DTX4: variants seen among roughly 807,000 people sequenced by gnomAD.
DTX4 encodes the protein E3 ubiquitin-protein ligase DTX4.
In DTX4, 28 loss-of-function variants were observed where a neutral mutation model predicts 57.6. The observed-to-expected ratio is 0.49, with a 90% confidence interval of 0.36 to 0.67. The LOEUF (loss-of-function observed/expected upper bound fraction) is 0.67. Among genes scored for constraint, DTX4 ranks in the 30% least tolerant of loss-of-function variants. DTX4 has a pLI of 0.00. For synonymous variants in DTX4, 316 were observed against 331.0 expected (o/e 0.95, Z 0.49); for missense variants, 715 against 836.8 (o/e 0.85, Z 1.80).
chr11:59,174,400 T>G, intron 1 of DTX4, among the ~76,000 whole-genome samples: 1 of 137,390 alleles, frequency 7.3e-6, no homozygotes, highest in Non-Finnish European at 1.6e-5. Context: ...AAGGTGAGGG[T>G]GGAGGGGGTG....
intron 1 of DTX4, among the ~76,000 whole-genome samples, chr11:59,179,890 C>T (rs1239043419): frequency 6.6e-6 from 1 of 151,886 alleles, no homozygotes; most frequent in Non-Finnish European, 1.5e-5. Flanking sequence ...CTTTCTTACA[C>T]CCCCTACCAC....
intron 8 of DTX4, among the ~76,000 whole-genome samples, chr11:59,203,557 A>G (rs1030662229): frequency 1.4e-5 from 2 of 140,834 alleles, no homozygotes; most frequent in Non-Finnish European, 3.2e-5. Context: ...ATCTCTTATG[A>G]TAACAATGCC....
chr11:59,205,108 C>G lies in DTX4; in HGVS notation c.*199C>G. On this transcript the variant is annotated 3_prime_UTR_variant, in exon 9 of 9. Coordinates refer to ENST00000227451, the MANE Select transcript of DTX4 (RefSeq NM_015177.2). ...AGCGACATCATTCATAAATCTCATC[C>G]AACACAAAGGGAGATGGGATGAGGG... 1 of 572,048 alleles carries G rather than the reference C, an allele frequency of 1.7e-6. No individual in the cohort carries two copies. The highest frequency in any genetic ancestry group is 3.1e-6 in the Non-Finnish European group (1 of 321,154). 35.4% of individuals were successfully genotyped at this position (572,048 alleles called of 1,614,324 possible). A position where few individuals can be genotyped will look rare whatever the true frequency, so the allele number is the denominator to read the frequency against.
chr11:59,207,983 C>G lies in DTX4; in HGVS notation c.*3074C>G, dbSNP rs1024147018. The G allele has an allele frequency of 2.0e-5, 3 of 152,590 alleles. No individual in the cohort carries two copies. The highest frequency in any genetic ancestry group is 4.4e-5 in the Non-Finnish European group (3 of 68,106). 9.5% of individuals were successfully genotyped at this position (152,590 alleles called of 1,614,324 possible). On this transcript the variant is annotated 3_prime_UTR_variant, in exon 9 of 9. Coordinates refer to ENST00000227451, the MANE Select transcript of DTX4 (RefSeq NM_015177.2). ...TGGTACAAGAAAGGACCCCTGACCCCTTTCCTTCTCTGTGGTCCCCGGCAT... is the reference window on the plus strand; with the variant it reads ...TGGTACAAGAAAGGACCCCTGACCCGTTTCCTTCTCTGTGGTCCCCGGCAT...
At chr11:59,180,982 T>G (rs186963719) in intron 1 of DTX4, among the ~76,000 whole-genome samples, 116 of 152,346 alleles carry the variant, frequency 7.6e-4, no homozygotes, top group African/African-American at 2.6e-3. Flanking sequence ...TTGGGAAATA[T>G]GAGAGAGTTC....
intron 7 of DTX4, among the ~76,000 whole-genome samples, chr11:59,195,831 A>T (rs1312984734): frequency 4.6e-5 from 7 of 152,248 alleles, no homozygotes; most frequent in Non-Finnish European, 7.3e-5. Flanking sequence ...ATAATGCTGG[A>T]ATGAATAACC....
rs1185242082 is a variant in DTX4, at chr11:59,188,777, T to C, written c.978T>C (p.Pro326=). The C allele has an allele frequency of 6.2e-7, 1 of 1,613,862 alleles. No individual in the cohort carries two copies. Among genetic ancestry groups the C allele is most frequent in the Non-Finnish European group, 8.5e-7 (1 of 1,179,868 alleles). ...VPVKNLNGSS[P]VNPALAGITG... Reference sequence around the variant, plus strand: ...TGAAGAACCTAAATGGGTCCAGTCCTGTCAACCCTGCCTTGGCAGGTAAGA... The same window carrying C: ...TGAAGAACCTAAATGGGTCCAGTCCCGTCAACCCTGCCTTGGCAGGTAAGA... The change falls in exon 3 of 9, where the codon CCT becomes CCC. Residue 326 remains proline (P), a synonymous_variant. Transcript: ENST00000227451.
intron 6 of DTX4, among the ~76,000 whole-genome samples, chr11:59,194,047 C>T (rs1022164267): frequency 6.6e-6 from 1 of 152,166 alleles, no homozygotes; most frequent in Non-Finnish European, 1.5e-5. Context: ...GGCAGCACCT[C>T]ACCAGGTCCT....
chr11:59,188,424 C>T (rs1375321319), intron 2 of DTX4, among the ~76,000 whole-genome samples: 1 of 152,180 alleles, frequency 6.6e-6, no homozygotes, highest in Non-Finnish European at 1.5e-5. Context: ...GGCAGGAGTG[C>T]ACCTGGCTCC....
At chr11:59,192,351 A>G in intron 6 of DTX4, 101 bp downstream of exon 6, 1 of 1,413,318 alleles carries the variant, frequency 7.1e-7, no homozygotes. Flanking sequence ...TGATCTGGGA[A>G]GTCTTAGAGG....
chr11:59,174,421 G>A (rs954165648), intron 1 of DTX4, among the ~76,000 whole-genome samples: 1 of 150,730 alleles, frequency 6.6e-6, no homozygotes, highest in African/African-American at 2.5e-5. Flanking sequence ...TGTGTTGGGC[G>A]GAGCTGAGCC....
intron 7 of DTX4, among the ~76,000 whole-genome samples, chr11:59,195,578 AC>A (rs1590987907): frequency 6.6e-6 from 1 of 151,870 alleles, no homozygotes; most frequent in East Asian, 1.9e-4. Flanking sequence ...TGCACACACA[AC>A]AGAAAATCGC....
At chr11:59,198,255 C>T (rs190079754) in intron 7 of DTX4, among the ~76,000 whole-genome samples, 99 of 152,260 alleles carry the variant, frequency 6.5e-4, no homozygotes, top group African/African-American at 2.2e-3. Context: ...GCCAGGCAGG[C>T]GTCTGAGTTG....
chr11:59,191,802 T>G (rs1862602314), intron 5 of DTX4, among the ~76,000 whole-genome samples: 1 of 152,244 alleles, frequency 6.6e-6, no homozygotes, highest in South Asian at 2.1e-4. Flanking sequence ...GTTGACAGTA[T>G]TTGTTTCCTC....
chr11:59,182,055 C>G lies in DTX4; in HGVS notation c.528C>G (p.Val176=). Residue 176 remains valine, a synonymous_variant, in exon 2 of 9, where the codon GTC becomes GTG. Transcript: ENST00000227451. ...GTLPKAQSWP[V]SPGPATSPPM... ...TGCCTAAGGCTCAGTCCTGGCCAGT[C>G]AGCCCTGGGCCAGCCACCTCGCCCC... The G allele has an allele frequency of 6.2e-7, 1 of 1,612,332 alleles. No homozygotes were observed. Among genetic ancestry groups the G allele is most frequent in the Non-Finnish European group, 8.5e-7 (1 of 1,178,800 alleles).
intron 8 of DTX4, among the ~76,000 whole-genome samples, chr11:59,201,644 A>G (rs1239975365): frequency 1.3e-5 from 2 of 152,204 alleles, no homozygotes; most frequent in Non-Finnish European, 2.9e-5. Context: ...GGTATTTTGG[A>G]AGAAATAGAA....
chr11:59,180,307 C>G (rs931879761), intron 1 of DTX4, among the ~76,000 whole-genome samples: 2 of 152,046 alleles, frequency 1.3e-5, no homozygotes, highest in African/African-American at 2.4e-5. Flanking sequence ...CATCCTGATA[C>G]CCCCATGTTC....
intron 2 of DTX4, among the ~76,000 whole-genome samples, chr11:59,185,479 G>C (rs1420767218): frequency 6.6e-6 from 1 of 152,162 alleles, no homozygotes; most frequent in Non-Finnish European, 1.5e-5. Context: ...GATTGGCCAA[G>C]CAGTGGTTAG....
chr11:59,196,604 T>G (rs1862674448), intron 7 of DTX4, among the ~76,000 whole-genome samples: 1 of 152,162 alleles, frequency 6.6e-6, no homozygotes, highest in African/African-American at 2.4e-5. Context: ...GGCCGCACAG[T>G]AGGAGGTGAG....
Sources: allele counts gnomAD v4.1 joint callset (sites outside exome capture counted in the v4.1 genomes callset), GRCh38; gene constraint gnomAD v4.1.1; transcripts MANE v1.5; gene names NCBI Gene and HGNC (gene_info 2026-07-23, HGNC 2026-07-21).